The following ZNF704 variants were observed in gnomAD, a reference collection of about 807,000 sequenced individuals.
ZNF704 encodes zinc finger protein 704.
Under a neutral mutation model 44.7 loss-of-function variants are expected in ZNF704, and 10 were observed. The observed-to-expected ratio is 0.22, with a 90% confidence interval of 0.14 to 0.38. ZNF704 has a LOEUF of 0.38. Ranked by LOEUF, ZNF704 falls within the 10% of genes least tolerant of loss-of-function variation. ZNF704 has a pLI of 1.00. For missense variants in ZNF704, 390 were observed against 545.5 expected, an observed-to-expected ratio of 0.71 and a Z score of 2.84; for synonymous variants, 211 against 207.6, an observed-to-expected ratio of 1.02 and a Z score of -0.14.
chr8:80,644,119 C>T (rs1294806937), intron 7 of ZNF704, among the ~76,000 whole-genome samples: 2 of 152,194 alleles, frequency 1.3e-5, no homozygotes, highest in East Asian at 3.8e-4. Flanking sequence ...GTCTTCACAA[C>T]GACCCCACGC....
intron 2 of ZNF704, among the ~76,000 whole-genome samples, chr8:80,737,070 A>G (rs1320761634): frequency 6.6e-6 from 1 of 152,218 alleles, no homozygotes. Context: ...CAATAACGCT[A>G]TAGTAGGAAC....
At chr8:80,764,837 C>G (rs1259932392) in intron 2 of ZNF704, among the ~76,000 whole-genome samples, 1 of 152,222 alleles carries the variant, frequency 6.6e-6, no homozygotes, top group Non-Finnish European at 1.5e-5. Flanking sequence ...TCATATATCT[C>G]TTACATTTTG....
chr8:80,679,433 G>A (rs1474906115), intron 4 of ZNF704, among the ~76,000 whole-genome samples: 2 of 149,528 alleles, frequency 1.3e-5, no homozygotes, highest in Non-Finnish European at 2.9e-5. Context: ...ATGGGTCCAA[G>A]CCTGCCCAAG....
At chr8:80,797,687 T>C (rs563902860) in intron 2 of ZNF704, among the ~76,000 whole-genome samples, 4 of 152,230 alleles carry the variant, frequency 2.6e-5, no homozygotes, top group African/African-American at 9.6e-5. Flanking sequence ...AAAACTATTT[T>C]GCCCTCCTAG....
the ZNF704 span, among the ~76,000 whole-genome samples, chr8:80,883,122 C>A: frequency 1.3e-5 from 2 of 148,384 alleles, no homozygotes; most frequent in Non-Finnish European, 3.0e-5. Context: ...GCAGTGCACA[C>A]CTATGGTCCC....
chr8:80,836,993 G>C (rs751330062), intron 1 of ZNF704, among the ~76,000 whole-genome samples: 2 of 151,766 alleles, frequency 1.3e-5, no homozygotes, highest in Non-Finnish European at 2.9e-5. Context: ...GGAGCTAGAA[G>C]AGCATCTGAA....
At chr8:80,652,517 C>G (rs1291351556) in intron 7 of ZNF704, among the ~76,000 whole-genome samples, 3 of 152,188 alleles carry the variant, frequency 2.0e-5, no homozygotes, top group African/African-American at 7.2e-5. Context: ...ATACAAACTA[C>G]CATCAGAGAA....
At chr8:80,811,226 T>G (rs1458291816) in intron 2 of ZNF704, among the ~76,000 whole-genome samples, 1 of 152,144 alleles carries the variant, frequency 6.6e-6, no homozygotes, top group Non-Finnish European at 1.5e-5. Context: ...AAAAAAAGAA[T>G]GGAAAGTGTC....
chr8:80,666,197 G>A (rs1818191663), intron 5 of ZNF704, among the ~76,000 whole-genome samples: 1 of 141,772 alleles, frequency 7.1e-6, no homozygotes, highest in Non-Finnish European at 1.5e-5. Flanking sequence ...TCCCACCTAT[G>A]AGTGAGAATA....
chr8:80,707,322 T>C (rs1053351772), intron 2 of ZNF704, among the ~76,000 whole-genome samples: 3 of 152,246 alleles, frequency 2.0e-5, no homozygotes, highest in Non-Finnish European at 4.4e-5. Flanking sequence ...AAAATTATGT[T>C]ATAATGAAAA....
intron 4 of ZNF704, among the ~76,000 whole-genome samples, chr8:80,681,387 A>G (rs759629005): frequency 3.5e-4 from 53 of 152,248 alleles, no homozygotes; most frequent in Non-Finnish European, 6.9e-4. Context: ...TTTGTATACT[A>G]AAAATACACA....
chr8:80,724,454 C>T (rs916431681), intron 2 of ZNF704, among the ~76,000 whole-genome samples: 6 of 152,164 alleles, frequency 3.9e-5, no homozygotes, highest in South Asian at 4.1e-4. Context: ...TATATATCTG[C>T]GAACTGGCAT....
intron 3 of ZNF704, among the ~76,000 whole-genome samples, chr8:80,690,763 C>A (rs532439338): frequency 1.3e-5 from 2 of 152,222 alleles, no homozygotes; most frequent in African/African-American, 4.8e-5. Context: ...AATCCCAACA[C>A]TTTGGGAGGC....
chr8:80,784,625 G>C (rs1456908326), intron 2 of ZNF704, among the ~76,000 whole-genome samples: 1 of 152,020 alleles, frequency 6.6e-6, no homozygotes, highest in Non-Finnish European at 1.5e-5. Flanking sequence ...TTATTTTTGA[G>C]ATTTAAGAGT....
At chr8:80,714,874 T>C (rs1197505538) in intron 2 of ZNF704, among the ~76,000 whole-genome samples, 1 of 152,146 alleles carries the variant, frequency 6.6e-6, no homozygotes, top group Non-Finnish European at 1.5e-5. Context: ...AATCACTCTA[T>C]CACCACTAGT....
At chr8:80,806,455 T>C (rs1011597310) in intron 2 of ZNF704, among the ~76,000 whole-genome samples, 2 of 152,188 alleles carry the variant, frequency 1.3e-5, no homozygotes, top group African/African-American at 4.8e-5. Context: ...CCAGCCTAGG[T>C]AGACAGAAGA....
In ZNF704 at chr8:80,781,983, A is replaced by G. The variant is rs188725404; in HGVS notation, c.221+39391T>C. On this transcript the variant is annotated intron_variant, in intron 2 of 8. Transcript: ENST00000327835. ...CCTTCATAGACATCAGTTAAATGTA[A>G]TTAGCAATAAATGGCTTTTGCTATA... Among the ~76,000 whole-genome samples, 1,041 of 152,286 alleles carry G rather than the reference A, an allele frequency of 6.8e-3. 13 individuals carry two copies. Among genetic ancestry groups the G allele is most frequent in the Non-Finnish European group, 9.5e-3 (643 of 68,022 alleles).
At chr8:80,876,594 T>A (rs1282741489), upstream of ZNF704, among the ~76,000 whole-genome samples, 1 of 152,208 alleles carries the variant, frequency 6.6e-6, no homozygotes, top group Non-Finnish European at 1.5e-5. Context: ...GTCCGAATCC[T>A]GACTCTGGAA....
Position 80,874,512 on chromosome 8 carries a change from A to C in ZNF704, c.-22+59T>G, listed in dbSNP as rs1163309120. Reference sequence around the variant, plus strand: ...CCCCCCTCTTCGCGAGCCATTCCTCACAACCCTCCGGTCCCCCCGCTCAGA... The same window carrying C: ...CCCCCCTCTTCGCGAGCCATTCCTCCCAACCCTCCGGTCCCCCCGCTCAGA... On this transcript the variant is annotated intron_variant, in intron 1 of 8. Coordinates refer to ENST00000327835, the MANE Select transcript of ZNF704 (RefSeq NM_001033723.3). The surrounding 1 kb of genome is among the most constrained non-coding windows in gnomAD (Gnocchi z 4.4). 1 of 150,580 alleles carries C rather than the reference A, an allele frequency of 6.6e-6. No individual in the cohort carries two copies. The highest frequency in any genetic ancestry group is 1.5e-5 in the Non-Finnish European group (1 of 67,654). The allele number at this position is 150,580 out of a possible 1,614,324, so 9.3% of individuals were successfully genotyped here.
Sources: gnomAD v4.1 joint callset for allele counts (sites outside exome capture counted in the v4.1 genomes callset) on GRCh38, gnomAD v4.1.1 for gene constraint, Gnocchi (gnomAD v3.1) non-coding constraint, MANE v1.5 for transcripts, NCBI Gene and HGNC (gene_info 2026-07-23, HGNC 2026-07-21) for gene names.